BCL2L11: variants seen among roughly 807,000 people sequenced by gnomAD.
BCL2L11 encodes BCL2 like 11, also known as bcl-2-like protein 11.
BCL2L11 carries 15 observed loss-of-function variants against 20.6 expected under a neutral mutation model. The observed-to-expected ratio is 0.73, with a 90% confidence interval of 0.49 to 1.12. The LOEUF (loss-of-function observed/expected upper bound fraction) is 1.12, where lower values mean the gene tolerates loss of function less well. BCL2L11 is among the 50% of genes most tolerant of loss of function. The pLI, the probability that BCL2L11 is intolerant of heterozygous loss-of-function variation, is 0.00. For missense variants in BCL2L11, 292 were observed against 260.9 expected, an observed-to-expected ratio of 1.12 and a Z score of -0.82; for synonymous variants, 108 against 92.8, an observed-to-expected ratio of 1.16 and a Z score of -0.94.
intron 3 of BCL2L11, among the ~76,000 whole-genome samples, chr2:111,150,508 T>C (rs2077122333): frequency 6.6e-6 from 1 of 152,034 alleles, no homozygotes; most frequent in Admixed American, 6.5e-5. Flanking sequence ...TAGGTCAAAG[T>C]TAAAGGTAAT....
At chr2:111,147,346 T>TCTCTCTCTCTCTCTCTCTCA (rs760779894) in intron 2 of BCL2L11, among the ~76,000 whole-genome samples, 158 of 137,388 alleles carry the variant, frequency 1.2e-3, no homozygotes, top group African/African-American at 4.4e-3. Flanking sequence ...TCTCTCTCTC[T>TCTCTCTCTCTCTCTCTCTCA]CACACACACA....
At chr2:111,150,605 C>T (rs899779149) in intron 3 of BCL2L11, among the ~76,000 whole-genome samples, 1 of 152,124 alleles carries the variant, frequency 6.6e-6, no homozygotes, top group South Asian at 2.1e-4. Context: ...CAGGGTGGCC[C>T]GAGGAAGCAG....
chr2:111,135,803 G>A (rs904994687), intron 2 of BCL2L11, among the ~76,000 whole-genome samples: 4 of 152,150 alleles, frequency 2.6e-5, no homozygotes, highest in Non-Finnish European at 4.4e-5. Context: ...GTACCCACCC[G>A]TTGCTGTTTA....
At chr2:111,143,551 A>G (rs1355249498) in intron 2 of BCL2L11, among the ~76,000 whole-genome samples, 1 of 152,216 alleles carries the variant, frequency 6.6e-6, no homozygotes, top group Non-Finnish European at 1.5e-5. Flanking sequence ...CCTACGAGGA[A>G]TAGCATCGTA....
intron 2 of BCL2L11, among the ~76,000 whole-genome samples, chr2:111,136,818 C>T (rs543618064): frequency 4.6e-5 from 7 of 152,156 alleles, no homozygotes; most frequent in Non-Finnish European, 1.0e-4. Flanking sequence ...TATACCATAG[C>T]AGTATCAGTT....
Position 111,166,985 on chromosome 2 carries a change from C to T in BCL2L11, c.*2754C>T, listed in dbSNP as rs764479365. On this transcript the variant is annotated 3_prime_UTR_variant, in exon 4 of 4. Transcript: ENST00000393256. Reference sequence around the variant, plus strand: ...GTACAGCATAAATAAGTAAAAAAATCACTGTTTTTCTCAACTTTTTCAAAA... The same window carrying T: ...GTACAGCATAAATAAGTAAAAAAATTACTGTTTTTCTCAACTTTTTCAAAA... 9 of 152,602 alleles carry T rather than the reference C, an allele frequency of 5.9e-5. No individual in the cohort carries two copies. Among genetic ancestry groups the T allele is most frequent in the Middle Eastern group, 3.4e-3 (1 of 294 alleles). 9.5% of individuals were successfully genotyped at this position (152,602 alleles called of 1,614,324 possible).
At chr2:111,151,219 A>T (rs2077218493) in intron 3 of BCL2L11, among the ~76,000 whole-genome samples, 1 of 152,156 alleles carries the variant, frequency 6.6e-6, no homozygotes, top group Non-Finnish European at 1.5e-5. Context: ...AGACATTTTT[A>T]AATGTGTAGA....
At chr2:111,160,540 TG>T (rs1348590710) in intron 3 of BCL2L11, among the ~76,000 whole-genome samples, 3 of 152,166 alleles carry the variant, frequency 2.0e-5, no homozygotes, top group Middle Eastern at 3.2e-3. Context: ...TCTGGACACA[TG>T]GGATGGCCAC....
At chr2:111,125,907 A>G (rs1472341036) in intron 2 of BCL2L11, among the ~76,000 whole-genome samples, 4 of 152,146 alleles carry the variant, frequency 2.6e-5, no homozygotes, top group African/African-American at 9.7e-5. Flanking sequence ...ATGCTCCCCC[A>G]TATATATGAT....
chr2:111,121,477 C>CAGGAGGAG (rs1208992186), intron 1 of BCL2L11, among the ~76,000 whole-genome samples: 1 of 152,216 alleles, frequency 6.6e-6, no homozygotes, highest in Non-Finnish European at 1.5e-5. Flanking sequence ...TAGGTCCGGG[C>CAGGAGGAG]AGGAGGAGAG....
intron 1 of BCL2L11, among the ~76,000 whole-genome samples, chr2:111,121,693 C>CG (rs776458083): frequency 4.6e-5 from 7 of 152,202 alleles, no homozygotes; most frequent in African/African-American, 7.2e-5. Flanking sequence ...ATTTAACTGA[C>CG]GAGACACGGC....
intron 2 of BCL2L11, 121 bp downstream of exon 2, chr2:111,124,260 G>T: frequency 1.6e-6 from 2 of 1,213,766 alleles, no homozygotes; most frequent in Non-Finnish European, 2.3e-6. Context: ...ATCTTTAGAT[G>T]GGAATGGAGG....
Position 111,122,017 on chromosome 2 carries a change from C to A in BCL2L11, c.-14+829C>A, listed in dbSNP as rs1389759696. ...CTGGGACCTGTTGCCCCAGGGTTGGCGCTGCTGGTGGAGGGCCCGACGGAC... is the reference window on the plus strand; with the variant it reads ...CTGGGACCTGTTGCCCCAGGGTTGGAGCTGCTGGTGGAGGGCCCGACGGAC... On this transcript the variant is annotated intron_variant, in intron 1 of 3. Transcript: ENST00000393256. Among the ~76,000 whole-genome samples the A allele has an allele frequency of 2.0e-5, 3 of 152,156 alleles. No individual in the cohort carries two copies. The East Asian group carries it at 5.8e-4, about 29-fold the overall frequency.
intron 1 of BCL2L11, 56 bp downstream of exon 1, chr2:111,121,244 G>A (rs981635946): frequency 4.9e-6 from 1 of 205,992 alleles, no homozygotes; most frequent in Non-Finnish European, 9.8e-6. Context: ...GACTAGCGCT[G>A]GAGCCCGAAC....
rs1237164442 is a variant in BCL2L11, at chr2:111,120,984, C to CTG, written c.-218_-217insTG. ...GCGTCCAGCGCCGCTGCCGCTGCCG[C>CTG]CGCCGCCGCCGCCGCCGCCGCCGCC... On this transcript the variant is annotated 5_prime_UTR_variant, in exon 1 of 4. Transcript: ENST00000393256. The CTG allele has an allele frequency of 8.4e-4, 67 of 79,474 alleles. No individual in the cohort carries two copies. Among genetic ancestry groups the CTG allele is most frequent in the African/African-American group, 2.3e-3 (17 of 7,280 alleles). 4.9% of individuals were successfully genotyped at this position (79,474 alleles called of 1,614,324 possible). A position where few individuals can be genotyped will look rare whatever the true frequency, so the allele number is the denominator to read the frequency against.
Position 111,168,121 on chromosome 2 carries a change from TTTTA to T in BCL2L11, c.*3894_*3897del, listed in dbSNP as rs2079113498. On this transcript the variant is annotated 3_prime_UTR_variant, in exon 4 of 4. Coordinates refer to ENST00000393256, the MANE Select transcript of BCL2L11 (RefSeq NM_138621.5). ...GCTCCCAGTTAAGTAACTTGACTAC[TTTTA>T]TTTGGGAATTTCAGACTATAGAAGC... 6.6e-6 allele frequency: 1 copy of T among 152,516 alleles called. No individual in the cohort carries two copies. The highest frequency in any genetic ancestry group is 6.6e-5 in the Admixed American group (1 of 15,262). 9.4% of individuals were successfully genotyped at this position (152,516 alleles called of 1,614,324 possible). A position where few individuals can be genotyped will look rare whatever the true frequency, so the allele number is the denominator to read the frequency against.
rs1466732626 is a variant in BCL2L11, at chr2:111,164,209, G to A, written c.575G>A (p.Arg192His). The A allele has an allele frequency of 8.1e-6, 13 of 1,611,834 alleles. No individual in the cohort carries two copies. The highest frequency in any genetic ancestry group is 1.6e-4 in the Middle Eastern group (1 of 6,082). Reference protein sequence around the residue: ...VILRLLRYIVRLVWRMH With the variant: ...VILRLLRYIVHLVWRMH ...TTACGACTGTTACGTTACATTGTCC[G>A]CCTGGTGTGGAGAATGCATTGACAG... Residue 192 changes from arginine to histidine, a missense_variant, in exon 4 of 4, where the codon CGC becomes CAC. By Grantham distance (29) the Arg-to-His change is conservative. Transcript: ENST00000393256.
chr2:111,145,944 A>G, intron 2 of BCL2L11: 1 of 942,406 alleles, frequency 1.1e-6, no homozygotes, highest in Non-Finnish European at 1.3e-6. Context: ...TTTTTTTGTA[A>G]CAAGTAAAGA....
chr2:111,164,085 A>ACCCCC, intron 3 of BCL2L11, 48 bp from the exon 4 acceptor site: 1 of 573,830 alleles, frequency 1.7e-6, no homozygotes, highest in Non-Finnish European at 3.4e-6. Context: ...ACCCCTCCCC[A>ACCCCC]CCCCCAAATT....
Sources: gnomAD v4.1 joint callset for allele counts (sites outside exome capture counted in the v4.1 genomes callset) on GRCh38, gnomAD v4.1.1 for gene constraint, MANE v1.5 for transcripts, NCBI Gene and HGNC (gene_info 2026-07-23, HGNC 2026-07-21) for gene names.